Variants in NRG3 observed in about 807,000 individuals in gnomAD.
NRG3 encodes neuregulin 3.
In NRG3, 31 loss-of-function variants were observed where a neutral mutation model predicts 66.9. The observed-to-expected ratio is 0.46, with a 90% CI of 0.35 to 0.63. The LOEUF is 0.63. Among genes scored for constraint, NRG3 ranks in the 20% least tolerant of loss-of-function variants. The pLI, the probability that NRG3 is intolerant of heterozygous loss-of-function variation, is 0.00. For missense variants in NRG3, 910 were observed against 878.9 expected, an observed-to-expected ratio of 1.04 and a Z score of -0.45; for synonymous variants, 393 against 359.4, an observed-to-expected ratio of 1.09 and a Z score of -1.06.
chr10:82,973,019 A>C (rs1191882371), intron 6 of NRG3, among the ~76,000 whole-genome samples: 2 of 152,192 alleles, frequency 1.3e-5, no homozygotes, highest in African/African-American at 4.8e-5. Flanking sequence ...TTCTAAAGAA[A>C]GTCTTCACCT....
At chr10:82,189,987 A>C (rs1311939559) in intron 1 of NRG3, among the ~76,000 whole-genome samples, 1 of 151,736 alleles carries the variant, frequency 6.6e-6, no homozygotes, top group Non-Finnish European at 1.5e-5. Context: ...AACAAACAAA[A>C]AAAACAGAGA....
intron 4 of NRG3, among the ~76,000 whole-genome samples, chr10:82,932,155 A>G (rs1158313683): frequency 6.6e-6 from 1 of 152,106 alleles, no homozygotes; most frequent in Non-Finnish European, 1.5e-5. Flanking sequence ...GACAGGTTTC[A>G]TTCTGTGGCC....
intron 4 of NRG3, among the ~76,000 whole-genome samples, chr10:82,938,358 G>A (rs550953503): frequency 2.0e-4 from 30 of 152,250 alleles, no homozygotes; most frequent in Admixed American, 1.2e-3. Context: ...AGAAGCTCCC[G>A]AGGTGTTTCT....
At chr10:82,624,790 A>G (rs2049295831) in intron 2 of NRG3, among the ~76,000 whole-genome samples, 1 of 147,874 alleles carries the variant, frequency 6.8e-6, no homozygotes, top group African/African-American at 2.5e-5. Flanking sequence ...GGTGCTTTTT[A>G]ATGAGAAATA....
chr10:82,000,770 A>C (rs1481126840), intron 1 of NRG3, among the ~76,000 whole-genome samples: 1 of 152,182 alleles, frequency 6.6e-6, no homozygotes, highest in African/African-American at 2.4e-5. Flanking sequence ...AATTTACTTA[A>C]TAGGCAGCTT....
chr10:82,407,123 C>A (rs1189692574), intron 2 of NRG3, among the ~76,000 whole-genome samples: 1 of 119,904 alleles, frequency 8.3e-6, no homozygotes, highest in East Asian at 2.8e-4. Flanking sequence ...TTTGATCCTG[C>A]TTCAATTTTA....
At chr10:82,183,261 C>T (rs1440353458) in intron 1 of NRG3, among the ~76,000 whole-genome samples, 2 of 151,904 alleles carry the variant, frequency 1.3e-5, no homozygotes, top group African/African-American at 4.8e-5. Flanking sequence ...TCCCCTGGGA[C>T]TCCCATAATT....
intron 2 of NRG3, among the ~76,000 whole-genome samples, chr10:82,647,984 G>T (rs1591011898): frequency 6.8e-6 from 1 of 147,446 alleles, no homozygotes; most frequent in African/African-American, 2.5e-5. Flanking sequence ...AGTTTCTTTT[G>T]CTGTGCAGAA....
chr10:82,963,681 A>G (rs981059023), intron 6 of NRG3, among the ~76,000 whole-genome samples: 3 of 152,030 alleles, frequency 2.0e-5, no homozygotes, highest in South Asian at 4.1e-4. Context: ...CAACGTCTCA[A>G]AAAAAAATAA....
At chr10:82,922,211 C>T (rs1846493643) in intron 4 of NRG3, among the ~76,000 whole-genome samples, 1 of 152,044 alleles carries the variant, frequency 6.6e-6, no homozygotes, top group Admixed American at 6.6e-5. Flanking sequence ...ATGCACTGAA[C>T]AGAACTACAA....
intron 2 of NRG3, among the ~76,000 whole-genome samples, chr10:82,661,927 C>T (rs182969716): frequency 2.6e-5 from 4 of 152,278 alleles, no homozygotes; most frequent in East Asian, 1.9e-4. Flanking sequence ...GATCTACAGA[C>T]GCCTCATCAG....
chr10:81,958,377 A>C (rs1438800076), intron 1 of NRG3, among the ~76,000 whole-genome samples: 1 of 152,250 alleles, frequency 6.6e-6, no homozygotes, highest in East Asian at 1.9e-4. Context: ...TGAATGAAAC[A>C]TAAGAGAGTT....
At chr10:82,923,411 C>G (rs552297403) in intron 4 of NRG3, among the ~76,000 whole-genome samples, 6 of 152,314 alleles carry the variant, frequency 3.9e-5, no homozygotes, top group African/African-American at 1.4e-4. Flanking sequence ...GGATTATGTA[C>G]TTATTATAGG....
intron 4 of NRG3, among the ~76,000 whole-genome samples, chr10:82,897,459 T>C (rs1843767654): frequency 2.0e-5 from 3 of 152,062 alleles, no homozygotes; most frequent in Admixed American, 1.3e-4. Flanking sequence ...CAAGGCTTCT[T>C]TTTTTTTCTG....
intron 2 of NRG3, among the ~76,000 whole-genome samples, chr10:82,699,857 CTGTGTG>C (rs59381778): frequency 0.24 from 35,736 of 149,556 alleles, 4,331 homozygotes; most frequent in Middle Eastern, 0.34. Context: ...TATGGATGAT[CTGTGTG>C]TGTGTGTGTG....
intron 2 of NRG3, among the ~76,000 whole-genome samples, chr10:82,669,885 A>T (rs893546013): frequency 6.6e-6 from 1 of 151,172 alleles, no homozygotes; most frequent in Non-Finnish European, 1.5e-5. Context: ...CCGAGATCGC[A>T]CCACTGCACT....
chr10:82,786,375 C>T (rs1265477386), intron 3 of NRG3, among the ~76,000 whole-genome samples: 1 of 152,154 alleles, frequency 6.6e-6, no homozygotes, highest in African/African-American at 2.4e-5. Context: ...AGTTTTAAGA[C>T]ATGATATGGT....
chr10:82,474,112 C>A (rs557849790), intron 2 of NRG3, among the ~76,000 whole-genome samples: 30 of 151,938 alleles, frequency 2.0e-4, no homozygotes, highest in Non-Finnish European at 3.4e-4. Context: ...TGAGTGAATG[C>A]CTTCTTCTGC....
rs573148875 is a variant in NRG3, at chr10:82,367,142, A to C, written c.953+8274A>C. Among the ~76,000 whole-genome samples, 4 of 152,282 alleles carry C rather than the reference A, an allele frequency of 2.6e-5. No homozygotes were observed. The East Asian group carries it at 7.7e-4, about 29-fold the overall frequency. The stretch of plus-strand genomic sequence containing the variant: ...ACTATTCAATGTCATACACACACGG[A>C]GACGTGCACACACTCTTTTTGTTTG... On this transcript the variant is annotated intron_variant, in intron 2 of 8. Transcript: ENST00000372141.
Sources: gnomAD v4.1 joint callset for allele counts (sites outside exome capture counted in the v4.1 genomes callset) on GRCh38, gnomAD v4.1.1 for gene constraint, MANE v1.5 for transcripts, NCBI Gene and HGNC (gene_info 2026-07-23, HGNC 2026-07-21) for gene names.